Variants in SCG2 observed in about 807,000 individuals in gnomAD.
The protein encoded by SCG2 is secretogranin II.
A neutral mutation model predicts 49.5 loss-of-function variants in SCG2; 23 were observed. The ratio of observed to expected loss-of-function variants is 0.46; its 90% confidence interval spans 0.33 to 0.66. SCG2 has a LOEUF of 0.66. Ranked by LOEUF, SCG2 falls within the 30% of genes least tolerant of loss-of-function variation. The pLI, the probability that SCG2 is intolerant of heterozygous loss-of-function variation, is 0.01. For synonymous variants in SCG2, 288 were observed against 260.4 expected (o/e 1.11, Z -1.02); for missense variants, 730 against 728.2 (o/e 1.00, Z -0.03).
Position 223,598,643 on chromosome 2 carries a change from G to A in SCG2, c.640C>T (p.Gln214Ter). ...ELGKLTGPNN[Q>*]KRERMDEEQK... ...TCCTCATCCATCCTCTCACGTTTCT[G>A]GTTGTTTGGTCCTGTCAGTTTCCCC... is the stretch of plus-strand genomic sequence containing the variant. The change falls in exon 2 of 2, where the codon CAG becomes TAG. Residue 214 changes from glutamine (Q) to a stop codon, truncating the protein, a stop_gained. Transcript: ENST00000305409. LOFTEE classifies it high-confidence loss of function. 6.2e-7 allele frequency: 1 copy of A among 1,614,002 alleles called. No homozygotes were observed. The highest frequency in any genetic ancestry group is 8.5e-7 in the Non-Finnish European group (1 of 1,180,014).
rs771396631 is a variant in SCG2, at chr2:223,598,974, A to C, written c.309T>G (p.Asp103Glu). ...TCATCCAGTCTTCTTCACTCAGTGA[A>C]TCCCTCTCGGGCAAGTGGCTTTCAT... ...NGDESHLPER[D>E]SLSEEDWMRI... The change falls in exon 2 of 2, where the codon GAT (aspartate) becomes GAG (glutamate). Residue 103 changes from aspartate to glutamate, a missense_variant. By Grantham distance (45) the Asp-to-Glu change is conservative. Transcript: ENST00000305409. 6 of 1,614,048 alleles carry C rather than the reference A, an allele frequency of 3.7e-6. No individual in the cohort carries two copies. Among genetic ancestry groups the C allele is most frequent in the African/African-American group, 1.3e-5 (1 of 74,926 alleles).
rs768190510 is a variant in SCG2 at position 223,598,769 on chromosome 2, C to T, written c.514G>A (p.Glu172Lys). Residue 172 changes from glutamate to lysine, a missense_variant, in exon 2 of 2, where the codon GAG (glutamate) becomes AAG (lysine). Glu to Lys is a moderately conservative substitution (Grantham distance 56). Coordinates refer to ENST00000305409, the MANE Select transcript of SCG2 (RefSeq NM_003469.5). The stretch of plus-strand genomic sequence containing the variant: ...TTAAAGGGGTTATCCCTGGAATTCT[C>T]TTCATACATAGGAGGGAATTGCATG... Reference protein sequence around the residue: ...KHMQFPPMYEENSRDNPFKRT... With the variant: ...KHMQFPPMYEKNSRDNPFKRT... 1.9e-6 allele frequency: 3 copies of T among 1,613,966 alleles called. No homozygotes were observed. Among genetic ancestry groups the T allele is most frequent in the South Asian group, 2.2e-5 (2 of 91,068 alleles).
At chr2:223,601,154 T>C (rs1691383319) in intron 1 of SCG2, among the ~76,000 whole-genome samples, 1 of 152,186 alleles carries the variant, frequency 6.6e-6, no homozygotes, top group Non-Finnish European at 1.5e-5. Flanking sequence ...AGTGCTACCC[T>C]TTGCTTAACT....
rs536306989 is a variant in SCG2 at position 223,599,193 on chromosome 2, A to C, written c.90T>G (p.Phe30Leu). 6.8e-6 allele frequency: 11 copies of C among 1,613,826 alleles called. No individual in the cohort carries two copies. The highest frequency in any genetic ancestry group is 9.3e-6 in the Non-Finnish European group (11 of 1,179,684). The change falls in exon 2 of 2, where the codon TTT becomes TTG. Residue 30 changes from phenylalanine to leucine, a missense_variant. By Grantham distance (22) the Phe-to-Leu change is conservative. Transcript: ENST00000305409. Reference protein sequence around the residue: ...FLISGAEAASFQRNQLLQKEP... With the variant: ...FLISGAEAASLQRNQLLQKEP... ...CTTTCTGAAGCAGCTGGTTTCTCTG[A>C]AATGAAGCTGCTTCAGCCCCAGAGA...
Position 223,597,373 on chromosome 2 carries a change from T to C in SCG2, c.*56A>G. ...TAGAAGTCAACACACTGAAGAGAAA[T>C]GTTGGGATTTGCTTGGGGTGGGAGG... On this transcript the variant is annotated 3_prime_UTR_variant, in exon 2 of 2. Transcript: ENST00000305409. 1 of 1,530,576 alleles carries C rather than the reference T, an allele frequency of 6.5e-7. No homozygotes were observed. Among genetic ancestry groups the C allele is most frequent in the Non-Finnish European group, 8.8e-7 (1 of 1,139,568 alleles). The allele number at this position is 1,530,576 out of a possible 1,614,324, so 94.8% of individuals were successfully genotyped here.
At chr2:223,601,451 G>T (rs1023839843) in intron 1 of SCG2, among the ~76,000 whole-genome samples, 2 of 152,178 alleles carry the variant, frequency 1.3e-5, no homozygotes, top group Non-Finnish European at 2.9e-5. Context: ...AATTCAACTA[G>T]TTGGGATACA....
intron 1 of SCG2, among the ~76,000 whole-genome samples, chr2:223,600,273 G>A (rs987980932): frequency 2.6e-5 from 4 of 152,074 alleles, no homozygotes; most frequent in African/African-American, 9.7e-5. Flanking sequence ...GTCTATTTTG[G>A]TATGGACCTG....
chr2:223,601,047 T>C lies in SCG2; in HGVS notation c.-15+1238A>G, dbSNP rs141394369. Reference sequence around the variant, plus strand: ...TACTGAAATAGTCTTAACATGTGGATTATATGCTCATCTTTAAAATCATTA... The same window carrying C: ...TACTGAAATAGTCTTAACATGTGGACTATATGCTCATCTTTAAAATCATTA... On this transcript the variant is annotated intron_variant, in intron 1 of 1. Transcript: ENST00000305409. Among the ~76,000 whole-genome samples, 405 of 152,308 alleles carry C rather than the reference T, an allele frequency of 2.7e-3. 1 individual carries two copies. Among genetic ancestry groups the C allele is most frequent in the African/African-American group, 9.2e-3 (384 of 41,576 alleles).
At chr2:223,600,092 T>C (rs1480783391) in intron 1 of SCG2, among the ~76,000 whole-genome samples, 1 of 152,238 alleles carries the variant, frequency 6.6e-6, no homozygotes. Context: ...ATATTTCTTC[T>C]AATAATTTAT....
rs1242977639 is a variant in SCG2, at chr2:223,601,877, C to G, written c.-15+408G>C. 2.0e-5 allele frequency among the ~76,000 whole-genome samples: 3 copies of G among 152,148 alleles called. No homozygotes were observed. The East Asian group carries it at 5.8e-4, about 29-fold the overall frequency. On this transcript the variant is annotated intron_variant, in intron 1 of 1. Transcript: ENST00000305409. ...TTGACAGCCTTTGTATCATTGGAAA[C>G]CTACTGTTAAGAATATTAAACATAT...
Position 223,598,091 on chromosome 2 carries a change from C to T in SCG2, c.1192G>A (p.Asp398Asn). 1 of 1,605,126 alleles carries T rather than the reference C, an allele frequency of 6.2e-7. No individual in the cohort carries two copies. The highest frequency in any genetic ancestry group is 8.5e-7 in the Non-Finnish European group (1 of 1,175,502). ...TGGAACAGGTCTGGATGGTCTAAGTCAGCCTCTGAGATGTCATCTAGGTCA... is the reference window on the plus strand; with the variant it reads ...TGGAACAGGTCTGGATGGTCTAAGTTAGCCTCTGAGATGTCATCTAGGTCA... Reference protein sequence around the residue: ...PVDLDDISEADLDHPDLFQNR... With the variant: ...PVDLDDISEANLDHPDLFQNR... The change falls in exon 2 of 2, where the codon GAC (aspartate) becomes AAC (asparagine). Residue 398 changes from aspartate to asparagine, a missense_variant. Coordinates refer to ENST00000305409, the MANE Select transcript of SCG2 (RefSeq NM_003469.5).
In SCG2 at chr2:223,599,111, C is replaced by T; in HGVS notation, c.172G>A (p.Ala58Thr). 1 of 1,614,120 alleles carries T rather than the reference C, an allele frequency of 6.2e-7. No individual in the cohort carries two copies. The highest frequency in any genetic ancestry group is 8.5e-7 in the Non-Finnish European group (1 of 1,180,024). Residue 58 changes from alanine to threonine, a missense_variant, in exon 2 of 2, where the codon GCT becomes ACT. By Grantham distance (58) the Ala-to-Thr change is moderately conservative. Transcript: ENST00000305409. ...QKFPSPEMIR[A>T]LEYIENLRQQ... ...CGGAGGTTTTCTATGTACTCCAAAGCCCTGATCATTTCAGGACTGGGAAAC... is the reference window on the plus strand; with the variant it reads ...CGGAGGTTTTCTATGTACTCCAAAGTCCTGATCATTTCAGGACTGGGAAAC...
rs1400617108 is a variant in SCG2, at chr2:223,598,213, T to A, written c.1070A>T (p.Asn357Ile). 3 of 1,614,048 alleles carry A rather than the reference T, an allele frequency of 1.9e-6. No individual in the cohort carries two copies. The highest frequency in any genetic ancestry group is 2.5e-6 in the Non-Finnish European group (3 of 1,180,030). Residue 357 changes from asparagine to isoleucine, a missense_variant, in exon 2 of 2, where the codon AAT becomes ATT. Physicochemically the swap from Asn to Ile is moderately radical, Grantham distance 149 (BLOSUM62 -3). Coordinates refer to ENST00000305409, the MANE Select transcript of SCG2 (RefSeq NM_003469.5). The stretch of plus-strand genomic sequence containing the variant: ...TAAGTCTTCTGGGGGTATCTGTAAA[T>A]TCCTTGAGATTTCAATCAGCTGATA... Reference protein sequence around the residue: ...SIYQLIEISRNLQIPPEDLIE... With the variant: ...SIYQLIEISRILQIPPEDLIE...
In SCG2 at chr2:223,599,290, A is replaced by G. The variant is rs1214160765; in HGVS notation, c.-8T>C. ...GGTCTTTGCTTCAGCCATGTTTGAA[A>G]GATTTCCTTAAAACATAAAAAATAT... On this transcript the variant is annotated 5_prime_UTR_variant, in exon 2 of 2. Transcript: ENST00000305409. 1.9e-6 allele frequency: 3 copies of G among 1,553,430 alleles called. No homozygotes were observed. Among genetic ancestry groups the G allele is most frequent in the Non-Finnish European group, 2.6e-6 (3 of 1,148,332 alleles).
chr2:223,602,281 T>A lies in SCG2; in HGVS notation c.-15+4A>T, dbSNP rs777497551. Reference sequence around the variant, plus strand: ...CAATAAATCAAAGAGAAAAGCAGCCTTACCTCTTTTTGTTTATATGGCAGA... The same window carrying A: ...CAATAAATCAAAGAGAAAAGCAGCCATACCTCTTTTTGTTTATATGGCAGA... On this transcript the variant is annotated splice_donor_region_variant and intron_variant, in intron 1 of 1. Transcript: ENST00000305409. 2 of 152,142 alleles carry A rather than the reference T, an allele frequency of 1.3e-5. No individual in the cohort carries two copies. Among genetic ancestry groups the A allele is most frequent in the African/African-American group, 2.4e-5 (1 of 41,438 alleles). 9.4% of individuals were successfully genotyped at this position (152,142 alleles called of 1,614,324 possible).
At position 223,598,806 on chromosome 2, in the gene SCG2, T is replaced by G; in HGVS notation, c.477A>C (p.Arg159Ser). ...GAGGGAATTGCATGTGCTTAAGCTT[T>G]CTTTCTGGCCACTGCTGTGTCTCAT... ...DDYETQQWPE[R>S]KLKHMQFPPM... is the part of the protein sequence containing the mutation. Residue 159 changes from arginine to serine, a missense_variant, in exon 2 of 2, where the codon AGA becomes AGC. Transcript: ENST00000305409. The G allele has an allele frequency of 3.7e-6, 6 of 1,614,158 alleles. No homozygotes were observed. Among genetic ancestry groups the G allele is most frequent in the Non-Finnish European group, 5.1e-6 (6 of 1,180,026 alleles).
At position 223,597,286 on chromosome 2, in the gene SCG2, TC is replaced by T; in HGVS notation, c.*142del. The T allele has an allele frequency of 9.9e-7, 1 of 1,006,816 alleles. No homozygotes were observed. The highest frequency in any genetic ancestry group is 1.4e-6 in the Non-Finnish European group (1 of 708,224). 62.4% of individuals were successfully genotyped at this position (1,006,816 alleles called of 1,614,324 possible). ...ACAGCTCAGAGGAAATGAAGCAGACTCCCCAGTGACCTGGTTTCATCTGCCT... is the reference window on the plus strand; with the variant it reads ...ACAGCTCAGAGGAAATGAAGCAGACTCCCAGTGACCTGGTTTCATCTGCCT... On this transcript the variant is annotated 3_prime_UTR_variant, in exon 2 of 2. Coordinates refer to ENST00000305409, the MANE Select transcript of SCG2 (RefSeq NM_003469.5).
At position 223,597,891 on chromosome 2, in the gene SCG2, T is replaced by G; in HGVS notation, c.1392A>C (p.Pro464=). 6.2e-7 allele frequency: 1 copy of G among 1,614,180 alleles called. No individual in the cohort carries two copies. Among genetic ancestry groups the G allele is most frequent in the South Asian group, 1.1e-5 (1 of 91,086 alleles). Residue 464 remains proline, a synonymous_variant, in exon 2 of 2, where the codon CCA becomes CCC. Coordinates refer to ENST00000305409, the MANE Select transcript of SCG2 (RefSeq NM_003469.5). ...PNPYNQEKVL[P]RLPYGAGRSR... is the part of the protein sequence containing the mutation. Reference sequence around the variant, plus strand: ...ATCTTCCAGCACCATAAGGGAGCCTTGGCAGAACTTTCTCCTGGTTATATG... The same window carrying G: ...ATCTTCCAGCACCATAAGGGAGCCTGGGCAGAACTTTCTCCTGGTTATATG...
Position 223,597,589 on chromosome 2 carries a change from A to G in SCG2, c.1694T>C (p.Val565Ala), listed in dbSNP as rs1691317360. 1 of 1,614,050 alleles carries G rather than the reference A, an allele frequency of 6.2e-7. No individual in the cohort carries two copies. ...GGGCCCCACAGGGAACCTTTTGCTCACCGGGGCCAGCTTGTCAGTCTCCTG... is the reference window on the plus strand; with the variant it reads ...GGGCCCCACAGGGAACCTTTTGCTCGCCGGGGCCAGCTTGTCAGTCTCCTG... ...SSQETDKLAP[V>A]SKRFPVGPPK... Residue 565 changes from valine (V) to alanine (A), a missense_variant, in exon 2 of 2, where the codon GTG becomes GCG. Val to Ala is a moderately conservative substitution (Grantham distance 64, BLOSUM62 0). Coordinates refer to ENST00000305409, the MANE Select transcript of SCG2 (RefSeq NM_003469.5).
Sources: allele counts gnomAD v4.1 joint callset (sites outside exome capture counted in the v4.1 genomes callset), GRCh38; gene constraint gnomAD v4.1.1; transcripts MANE v1.5; gene names NCBI Gene and HGNC (gene_info 2026-07-23, HGNC 2026-07-21).